The following ERICH5 variants were observed in gnomAD, a reference collection of about 807,000 sequenced individuals.
ERICH5 encodes the protein glutamate rich 5.
Under a neutral mutation model 28.0 loss-of-function variants are expected in ERICH5, and 24 were observed. The ratio of observed to expected loss-of-function variants is 0.86; its 90% CI spans 0.62 to 1.21. The LOEUF (loss-of-function observed/expected upper bound fraction) is 1.21, where lower values mean the gene tolerates loss of function less well. Among genes scored for constraint, ERICH5 ranks in the 50% most tolerant of loss-of-function variants. ERICH5 has a pLI of 0.00. For missense variants in ERICH5, 421 were observed against 441.2 expected (o/e 0.95, Z 0.41); for synonymous variants, 163 against 157.6 (o/e 1.03, Z -0.25).
At chr8:98,093,139 C>A in intron 2 of ERICH5, 82 bp from the exon 3 acceptor site, 1 of 890,678 alleles carries the variant, frequency 1.1e-6, no homozygotes, top group Non-Finnish European at 1.8e-6. Context: ...CAAGAACTGC[C>A]CCCATTGGAG....
intron 1 of ERICH5, 89 bp downstream of exon 1, chr8:98,064,816 C>T (rs1346398853): frequency 2.8e-6 from 3 of 1,071,648 alleles, no homozygotes; most frequent in South Asian, 3.6e-5. Context: ...GTCCCGTGGC[C>T]ACCCCGCCTG....
At chr8:98,065,627 G>T (rs918212908) in intron 1 of ERICH5, among the ~76,000 whole-genome samples, 1 of 152,154 alleles carries the variant, frequency 6.6e-6, no homozygotes. Context: ...AAGTATAAAC[G>T]CAGTTACATG....
intron 1 of ERICH5, among the ~76,000 whole-genome samples, chr8:98,088,019 C>T (rs139875246): frequency 5.6e-4 from 85 of 151,948 alleles, no homozygotes; most frequent in African/African-American, 1.8e-3. Flanking sequence ...CCCAGGAGTT[C>T]AAGATCAGCC....
intron 2 of ERICH5, among the ~76,000 whole-genome samples, chr8:98,091,990 C>CCCCT (rs1313813427): frequency 1.3e-4 from 17 of 135,234 alleles, no homozygotes; most frequent in African/African-American, 3.6e-4. Context: ...CTCTCTCTCT[C>CCCCT]TCCCCTTCCT....
intron 1 of ERICH5, among the ~76,000 whole-genome samples, chr8:98,080,397 A>C (rs1815157902): frequency 6.6e-6 from 1 of 152,280 alleles, no homozygotes; most frequent in African/African-American, 2.4e-5. Context: ...GAGGGAAGGG[A>C]GGGAGATCAA....
At position 98,093,170 on chromosome 8, in the gene ERICH5, T is replaced by C. The variant is rs752685199; in HGVS notation, c.1013-51T>C. 1.4e-5 allele frequency: 18 copies of C among 1,304,836 alleles called. No homozygotes were observed. The Admixed American group carries it at 3.1e-4, about 23-fold the overall frequency. 80.8% of individuals were successfully genotyped at this position (1,304,836 alleles called of 1,614,324 possible). A position where few individuals can be genotyped will look rare whatever the true frequency, so the allele number is the denominator to read the frequency against. On this transcript the variant is annotated intron_variant, in intron 2 of 2. Coordinates refer to ENST00000318528, the MANE Select transcript of ERICH5 (RefSeq NM_173549.3). ...TGGAGACAAACTGTGGGATAATTTA[T>C]GTTAATTCTAAATAAATGTCTCTTA...
intron 1 of ERICH5, among the ~76,000 whole-genome samples, chr8:98,081,909 C>T (rs973872863): frequency 6.8e-6 from 1 of 148,066 alleles, no homozygotes; most frequent in Non-Finnish European, 1.5e-5. Context: ...GCCTGGGCAA[C>T]AAGAATGAAA....
At position 98,093,469 on chromosome 8, in the gene ERICH5, C is replaced by G. The variant is rs1815446054; in HGVS notation, c.*136C>G. The G allele has an allele frequency of 1.9e-6, 1 of 533,146 alleles. No homozygotes were observed. Among genetic ancestry groups the G allele is most frequent in the African/African-American group, 1.9e-5 (1 of 51,590 alleles). The allele number at this position is 533,146 out of a possible 1,614,324, so 33.0% of individuals were successfully genotyped here. ...GTGGTTATAGAGAGACTGTTGGAAC[C>G]ATGAGAAGGATGTTTCTGTGTTCTT... is the stretch of plus-strand genomic sequence containing the variant. On this transcript the variant is annotated 3_prime_UTR_variant, in exon 3 of 3. Coordinates refer to ENST00000318528, the MANE Select transcript of ERICH5 (RefSeq NM_173549.3).
At chr8:98,080,627 T>C (rs1195808482) in intron 1 of ERICH5, among the ~76,000 whole-genome samples, 2 of 151,748 alleles carry the variant, frequency 1.3e-5, no homozygotes, top group African/African-American at 4.8e-5. Context: ...CTTCTTCTCC[T>C]TCACCTTCTT....
intron 1 of ERICH5, among the ~76,000 whole-genome samples, chr8:98,078,191 T>C (rs1220898320): frequency 6.6e-6 from 1 of 152,202 alleles, no homozygotes; most frequent in African/African-American, 2.4e-5. Context: ...CATGCTTTGA[T>C]GTGGGAAAAG....
chr8:98,079,153 CTTTTTTTT>C (rs59165735), intron 1 of ERICH5, among the ~76,000 whole-genome samples: 3 of 132,408 alleles, frequency 2.3e-5, no homozygotes, highest in Non-Finnish European at 3.1e-5. Flanking sequence ...ACATTTTCCT[CTTTTTTTT>C]TTTCCTTTTT....
At chr8:98,091,681 T>C (rs1815385398) in intron 2 of ERICH5, among the ~76,000 whole-genome samples, 1 of 152,244 alleles carries the variant, frequency 6.6e-6, no homozygotes, top group Non-Finnish European at 1.5e-5. Context: ...TTCCTGCAAG[T>C]GTGTGCAATG....
chr8:98,074,951 T>C (rs1484873170), intron 1 of ERICH5, among the ~76,000 whole-genome samples: 1 of 152,186 alleles, frequency 6.6e-6, no homozygotes, highest in Non-Finnish European at 1.5e-5. Context: ...TCAGCTCCCC[T>C]TGGCTAAGAG....
intron 2 of ERICH5, among the ~76,000 whole-genome samples, chr8:98,091,967 C>A (rs867750249): frequency 1.9e-5 from 1 of 52,342 alleles, no homozygotes; most frequent in African/African-American, 7.3e-5. Flanking sequence ...TTTCTTTTTT[C>A]TTTCTTTTTC....
At chr8:98,091,992 C>CCCCT in intron 2 of ERICH5, among the ~76,000 whole-genome samples, 3 of 3,904 alleles carry the variant, frequency 7.7e-4, no homozygotes, top group African/African-American at 1.8e-3. Flanking sequence ...CTCTCTCTCT[C>CCCCT]CCCTTCCTTC....
intron 1 of ERICH5, among the ~76,000 whole-genome samples, chr8:98,075,026 G>A (rs1815022667): frequency 6.6e-6 from 1 of 152,062 alleles, no homozygotes. Flanking sequence ...TAGGTATTTT[G>A]TGGAAGATTC....
At chr8:98,066,208 T>C (rs569965082) in intron 1 of ERICH5, among the ~76,000 whole-genome samples, 2 of 152,352 alleles carry the variant, frequency 1.3e-5, no homozygotes, top group South Asian at 4.1e-4. Context: ...TGTTTTATGT[T>C]ATGAAATTAA....
intron 1 of ERICH5, among the ~76,000 whole-genome samples, chr8:98,085,932 G>A (rs1032560221): frequency 6.6e-6 from 1 of 152,190 alleles, no homozygotes; most frequent in African/African-American, 2.4e-5. Flanking sequence ...TACTGCTTCT[G>A]ATGGCTTCAC....
intron 1 of ERICH5, among the ~76,000 whole-genome samples, chr8:98,076,752 G>A (rs1815062222): frequency 6.6e-6 from 1 of 152,032 alleles, no homozygotes; most frequent in Non-Finnish European, 1.5e-5. Flanking sequence ...CTAATCATCT[G>A]GGGATCTTGT....
Sources: gnomAD v4.1 joint callset for allele counts (sites outside exome capture counted in the v4.1 genomes callset) on GRCh38, gnomAD v4.1.1 for gene constraint, MANE v1.5 for transcripts, NCBI Gene and HGNC (gene_info 2026-07-23, HGNC 2026-07-21) for gene names.